The following ARHGAP26 variants were observed in gnomAD, a reference collection of about 807,000 sequenced individuals.
ARHGAP26 encodes Rho GTPase activating protein 26.
Under a neutral mutation model 104.8 loss-of-function variants are expected in ARHGAP26, and 38 were observed. That is an observed-to-expected ratio of 0.36 (90% CI 0.28 to 0.48). The LOEUF (loss-of-function observed/expected upper bound fraction) is 0.48, where lower values mean the gene tolerates loss of function less well. ARHGAP26 is among the 20% of genes least tolerant of loss of function. The probability of loss-of-function intolerance (pLI) is 0.99; values close to 1 mark genes in which losing one functional copy is unlikely to be tolerated. For synonymous variants in ARHGAP26, 341 were observed against 340.0 expected (o/e 1.00, Z -0.03); for missense variants, 704 against 947.9 (o/e 0.74, Z 3.38).
intron 1 of ARHGAP26, chr5:142,772,927 A>G: frequency 1.9e-6 from 1 of 533,018 alleles, no homozygotes; most frequent in Non-Finnish European, 3.8e-6. Context: ...GAAACATTGC[A>G]GTGATAGAGT....
intron 11 of ARHGAP26, among the ~76,000 whole-genome samples, chr5:142,999,700 A>G (rs80237760): frequency 0.012 from 1,772 of 152,288 alleles, 19 homozygotes; most frequent in African/African-American, 0.029. Context: ...GACAAAATCT[A>G]TGCGATCTGG....
At chr5:142,908,199 G>A (rs1181144274) in intron 9 of ARHGAP26, among the ~76,000 whole-genome samples, 1 of 152,202 alleles carries the variant, frequency 6.6e-6, no homozygotes. Context: ...ACCTATTGCT[G>A]TGTAACAAGT....
chr5:142,963,711 C>G (rs1436572785), intron 11 of ARHGAP26, among the ~76,000 whole-genome samples: 1 of 152,196 alleles, frequency 6.6e-6, no homozygotes, highest in Non-Finnish European at 1.5e-5. Context: ...CACTTTCCCT[C>G]TTCCCAACCT....
intron 1 of ARHGAP26, among the ~76,000 whole-genome samples, chr5:142,820,047 G>A (rs1361450925): frequency 6.6e-6 from 1 of 152,308 alleles, no homozygotes; most frequent in African/African-American, 2.4e-5. Context: ...GAAATTTAGT[G>A]TTGGAACTTT....
At chr5:142,967,044 G>A (rs558729176) in intron 11 of ARHGAP26, among the ~76,000 whole-genome samples, 7 of 152,110 alleles carry the variant, frequency 4.6e-5, no homozygotes, top group Non-Finnish European at 7.4e-5. Flanking sequence ...AGACACACAC[G>A]CACACTCACA....
intron 1 of ARHGAP26, among the ~76,000 whole-genome samples, chr5:142,808,261 AAAAAAAAAAAAAAAAT>A (rs1763401287): frequency 6.8e-6 from 1 of 147,204 alleles, no homozygotes; most frequent in African/African-American, 2.6e-5. Context: ...AAAAAAAAAA[AAAAAAAAAAAAAAAAT>A]GTTGTATTTT....
chr5:143,171,004 G>A (rs946162803), intron 20 of ARHGAP26, among the ~76,000 whole-genome samples: 1 of 152,162 alleles, frequency 6.6e-6, no homozygotes. Flanking sequence ...AGAGGTCAGC[G>A]GGCCAGAGTT....
chr5:143,210,896 GT>G (rs11331959), intron 21 of ARHGAP26, among the ~76,000 whole-genome samples: 59,878 of 152,076 alleles, frequency 0.39, 12,027 homozygotes, highest in East Asian at 0.56. Flanking sequence ...GAAGGGCACT[GT>G]TGACAGGAGC....
At chr5:143,151,847 T>A (rs534165832) in intron 20 of ARHGAP26, among the ~76,000 whole-genome samples, 1 of 152,170 alleles carries the variant, frequency 6.6e-6, no homozygotes, top group East Asian at 1.9e-4. Context: ...AGTCCCAGGC[T>A]CAGGAGGCTG....
intron 5 of ARHGAP26, among the ~76,000 whole-genome samples, chr5:142,893,241 G>C (rs1221130655): frequency 6.6e-6 from 1 of 152,080 alleles, no homozygotes; most frequent in Admixed American, 6.5e-5. Flanking sequence ...CTCCCAAAGT[G>C]CTGGGATTAT....
intron 12 of ARHGAP26, among the ~76,000 whole-genome samples, chr5:143,026,563 G>A (rs1781089236): frequency 6.6e-6 from 1 of 152,076 alleles, no homozygotes; most frequent in African/African-American, 2.4e-5. Context: ...CTGAGGTGAC[G>A]TGAGCTACTT....
At chr5:143,115,091 G>C (rs1002859876) in intron 17 of ARHGAP26, among the ~76,000 whole-genome samples, 4 of 151,980 alleles carry the variant, frequency 2.6e-5, no homozygotes, top group African/African-American at 9.7e-5. Flanking sequence ...CCAGCACTTT[G>C]GGAGGCTGAG....
intron 1 of ARHGAP26, among the ~76,000 whole-genome samples, chr5:142,861,171 C>T (rs76927615): frequency 0.035 from 5,368 of 152,124 alleles, 157 homozygotes; most frequent in Admixed American, 0.081. Flanking sequence ...CTGGGGATTT[C>T]GTGGGCACCT....
At chr5:142,936,839 C>G (rs1017909775) in intron 11 of ARHGAP26, among the ~76,000 whole-genome samples, 1 of 149,756 alleles carries the variant, frequency 6.7e-6, no homozygotes, top group African/African-American at 2.5e-5. Flanking sequence ...AAAAAAAAGC[C>G]TTGACTTAAA....
At chr5:143,037,329 C>A in intron 13 of ARHGAP26, 68 bp downstream of exon 13, 1 of 1,347,176 alleles carries the variant, frequency 7.4e-7, no homozygotes, top group South Asian at 1.4e-5. Flanking sequence ...GTCAGACCTG[C>A]TACCTGCTGT....
chr5:142,823,246 A>C (rs1259472955), intron 1 of ARHGAP26, among the ~76,000 whole-genome samples: 1 of 152,196 alleles, frequency 6.6e-6, no homozygotes, highest in East Asian at 1.9e-4. Context: ...CTCTTCAGGT[A>C]AGGACACTGA....
intron 10 of ARHGAP26, among the ~76,000 whole-genome samples, chr5:142,917,006 C>T (rs1319519439): frequency 1.3e-5 from 2 of 150,500 alleles, no homozygotes; most frequent in East Asian, 1.9e-4. Flanking sequence ...GGAGCCTGTT[C>T]CAGGGCACAT....
chr5:143,091,483 A>G (rs1791430073), intron 17 of ARHGAP26, among the ~76,000 whole-genome samples: 1 of 152,222 alleles, frequency 6.6e-6, no homozygotes, highest in Non-Finnish European at 1.5e-5. Flanking sequence ...GTACCTTTTT[A>G]CTGAGAAATT....
chr5:142,803,505 G>A (rs956135086), intron 1 of ARHGAP26, among the ~76,000 whole-genome samples: 3 of 152,186 alleles, frequency 2.0e-5, no homozygotes, highest in Non-Finnish European at 4.4e-5. Flanking sequence ...TTCACGAAAG[G>A]TCCCGTCATC....
Sources: gnomAD v4.1 joint callset for allele counts (sites outside exome capture counted in the v4.1 genomes callset) on GRCh38, gnomAD v4.1.1 for gene constraint, MANE v1.5 for transcripts, NCBI Gene and HGNC (gene_info 2026-07-23, HGNC 2026-07-21) for gene names.